GNAT3: variants seen among roughly 807,000 people sequenced by gnomAD.
The protein encoded by GNAT3 is guanine nucleotide-binding protein G(t) subunit alpha-3.
GNAT3 carries 31 observed loss-of-function variants against 37.7 expected under a neutral mutation model. The ratio of observed to expected loss-of-function variants is 0.82; its 90% CI spans 0.62 to 1.11. The LOEUF (loss-of-function observed/expected upper bound fraction) is 1.11, where lower values mean the gene tolerates loss of function less well. Among genes scored for constraint, GNAT3 ranks in the 50% most tolerant of loss-of-function variants. The pLI is 0.00. For synonymous variants in GNAT3, 138 were observed against 139.8 expected, an observed-to-expected ratio of 0.99 and a Z score of 0.09; for missense variants, 437 against 412.5, an observed-to-expected ratio of 1.06 and a Z score of -0.51.
At chr7:80,471,376 C>T (rs1022666629) in intron 5 of GNAT3, among the ~76,000 whole-genome samples, 28 of 151,722 alleles carry the variant, frequency 1.8e-4, no homozygotes, top group African/African-American at 6.5e-4. Context: ...TAAGTTGACA[C>T]TCAGTATTAA....
intron 2 of GNAT3, among the ~76,000 whole-genome samples, chr7:80,493,964 C>A (rs552510409): frequency 9.9e-5 from 15 of 151,938 alleles, no homozygotes; most frequent in Non-Finnish European, 1.9e-4. Flanking sequence ...GCTTCTGTTT[C>A]TTCTGCTTCT....
intron 5 of GNAT3, among the ~76,000 whole-genome samples, chr7:80,472,982 T>C (rs1484806618): frequency 1.3e-5 from 2 of 152,032 alleles, no homozygotes; most frequent in African/African-American, 4.8e-5. Flanking sequence ...AAAGGGACAG[T>C]GTCAAAAATG....
At chr7:80,473,056 C>T (rs745639801) in intron 5 of GNAT3, among the ~76,000 whole-genome samples, 4 of 152,060 alleles carry the variant, frequency 2.6e-5, no homozygotes, top group Non-Finnish European at 5.9e-5. Flanking sequence ...CAAAGGAAAA[C>T]CCAGAAACTG....
At chr7:80,497,636 GTA>G (rs1790754277) in intron 1 of GNAT3, among the ~76,000 whole-genome samples, 2 of 104,926 alleles carry the variant, frequency 1.9e-5, no homozygotes, top group African/African-American at 9.7e-5. Flanking sequence ...ATACATATAC[GTA>G]TATACATATA....
At chr7:80,464,346 G>C (rs1346711406) in intron 5 of GNAT3, among the ~76,000 whole-genome samples, 3 of 151,990 alleles carry the variant, frequency 2.0e-5, no homozygotes, top group Non-Finnish European at 4.4e-5. Context: ...TGGATATCTG[G>C]AGCAAACAAT....
intron 3 of GNAT3, among the ~76,000 whole-genome samples, chr7:80,484,743 T>C (rs908330481): frequency 1.3e-5 from 2 of 152,092 alleles, no homozygotes; most frequent in African/African-American, 4.8e-5. Flanking sequence ...TTTCAAGTTC[T>C]ATGCTTAGGA....
At chr7:80,474,516 A>G (rs1398373049) in intron 4 of GNAT3, 137 bp from the exon 5 acceptor site, 3 of 377,258 alleles carry the variant, frequency 8.0e-6, no homozygotes, top group Non-Finnish European at 1.4e-5. Context: ...TGAAGAAACC[A>G]GGATTCAGTA....
At chr7:80,460,677 G>C (rs1041605044) in intron 7 of GNAT3, among the ~76,000 whole-genome samples, 5 of 152,100 alleles carry the variant, frequency 3.3e-5, no homozygotes, top group Non-Finnish European at 7.3e-5. Context: ...GAGCCCAGGA[G>C]GCAGATGTAG....
intron 2 of GNAT3, among the ~76,000 whole-genome samples, chr7:80,492,763 T>C (rs549815515): frequency 6.6e-6 from 1 of 151,722 alleles, no homozygotes; most frequent in East Asian, 1.9e-4. Context: ...ATAAATTCTC[T>C]GTAATATATA....
intron 4 of GNAT3, among the ~76,000 whole-genome samples, chr7:80,477,458 A>G (rs1239022762): frequency 6.6e-6 from 1 of 152,182 alleles, no homozygotes; most frequent in Non-Finnish European, 1.5e-5. Context: ...TATAATCACA[A>G]AATGAGACTC....
At chr7:80,459,346 G>A (rs1390730494) in intron 7 of GNAT3, among the ~76,000 whole-genome samples, 3 of 152,216 alleles carry the variant, frequency 2.0e-5, no homozygotes, top group Non-Finnish European at 4.4e-5. Context: ...GGTAGGGTCG[G>A]GAAACAGACT....
At position 80,493,656 on chromosome 7, in the gene GNAT3, T is replaced by TTCC. The variant is rs1195096435; in HGVS notation, c.161+946_161+948dup. Among the ~76,000 whole-genome samples the TTCC allele has an allele frequency of 1.1e-3, 102 of 89,554 alleles. 2 individuals are homozygous for TTCC. Among genetic ancestry groups the TTCC allele is most frequent in the African/African-American group, 5.8e-3 (89 of 15,458 alleles). 58.8% of individuals were successfully genotyped at this position (89,554 alleles called of 152,430 possible). On this transcript the variant is annotated intron_variant, in intron 2 of 7. Coordinates refer to ENST00000398291, the MANE Select transcript of GNAT3 (RefSeq NM_001102386.3). Reference sequence around the variant, plus strand: ...TCCTCTTTCCTCCTCCTCCTCCTCTTTCCTCCTCCTCCTCTTTCCTCCTCC... The same window carrying TTCC: ...TCCTCTTTCCTCCTCCTCCTCCTCTTTCCTCCTCCTCCTCCTCTTTCCTCCTCC...
At chr7:80,474,444 TA>T in intron 4 of GNAT3, 65 bp from the exon 5 acceptor site, 2 of 704,028 alleles carry the variant, frequency 2.8e-6, no homozygotes, top group Non-Finnish European at 4.6e-6. Context: ...CATATATGTA[TA>T]TATACACACA....
At chr7:80,476,347 T>A (rs1790301731) in intron 4 of GNAT3, among the ~76,000 whole-genome samples, 1 of 150,450 alleles carries the variant, frequency 6.6e-6, no homozygotes, top group African/African-American at 2.5e-5. Flanking sequence ...CATTTAAAAG[T>A]ACTAAATTCT....
intron 1 of GNAT3, among the ~76,000 whole-genome samples, chr7:80,503,696 A>G (rs898868651): frequency 2.0e-5 from 3 of 152,226 alleles, no homozygotes; most frequent in Non-Finnish European, 4.4e-5. Flanking sequence ...CACCTCATGG[A>G]AAACATAAAG....
chr7:80,476,053 T>C (rs961814782), intron 4 of GNAT3, among the ~76,000 whole-genome samples: 1 of 152,036 alleles, frequency 6.6e-6, no homozygotes, highest in Admixed American at 6.6e-5. Flanking sequence ...AGGTGTGTTG[T>C]TGGTCAGTTA....
chr7:80,505,079 A>C (rs1390285847), intron 1 of GNAT3, among the ~76,000 whole-genome samples: 2 of 152,228 alleles, frequency 1.3e-5, no homozygotes, highest in African/African-American at 2.4e-5. Context: ...TAAGAGCTGA[A>C]AAAGCTGTTA....
In GNAT3 at chr7:80,512,035, G is replaced by C; in HGVS notation, c.-109C>G. ...GAGTAATGCTCTGCTGAAGTACCTA[G>C]CAGTCCATTCCCTAATGCTCTAAGA... On this transcript the variant is annotated 5_prime_UTR_variant, in exon 1 of 8. Transcript: ENST00000398291. 1.4e-6 allele frequency: 1 copy of C among 694,478 alleles called. No individual in the cohort carries two copies. Among genetic ancestry groups the C allele is most frequent in the East Asian group, 2.8e-5 (1 of 35,950 alleles). 43.0% of individuals were successfully genotyped at this position (694,478 alleles called of 1,614,324 possible).
intron 3 of GNAT3, among the ~76,000 whole-genome samples, chr7:80,487,094 C>G (rs1173128787): frequency 2.6e-5 from 4 of 152,072 alleles, no homozygotes; most frequent in African/African-American, 9.7e-5. Context: ...TAAACTTGAG[C>G]TACTTAATGT....
Sources: allele counts gnomAD v4.1 joint callset (sites outside exome capture counted in the v4.1 genomes callset), GRCh38; gene constraint gnomAD v4.1.1; transcripts MANE v1.5; gene names NCBI Gene and HGNC (gene_info 2026-07-23, HGNC 2026-07-21).